ARHGDIB: variants seen among roughly 807,000 people sequenced by gnomAD.
ARHGDIB encodes Rho GDP dissociation inhibitor beta, also known as rho GDP-dissociation inhibitor 2.
In ARHGDIB, 20 loss-of-function variants were observed where a neutral mutation model predicts 22.6. The observed-to-expected ratio is 0.88, with a 90% confidence interval of 0.62 to 1.28. The LOEUF (loss-of-function observed/expected upper bound fraction) is 1.28, where lower values mean the gene tolerates loss of function less well. Ranked by LOEUF, ARHGDIB falls within the 50% of genes most tolerant of loss-of-function variation. ARHGDIB has a pLI of 0.00. For synonymous variants in ARHGDIB, 114 were observed against 96.1 expected, an observed-to-expected ratio of 1.19 and a Z score of -1.09; for missense variants, 254 against 245.4, an observed-to-expected ratio of 1.04 and a Z score of -0.23.
chr12:14,957,207 C>T (rs1188870916), intron 1 of ARHGDIB, among the ~76,000 whole-genome samples: 4 of 152,166 alleles, frequency 2.6e-5, no homozygotes, highest in Admixed American at 6.5e-5. Context: ...TCAGTTTTAT[C>T]ACCACTAAAA....
chr12:14,955,176 G>T (rs1469596505), intron 1 of ARHGDIB, among the ~76,000 whole-genome samples: 1 of 152,174 alleles, frequency 6.6e-6, no homozygotes, highest in Non-Finnish European at 1.5e-5. Flanking sequence ...GTTAGTACGG[G>T]ATAAGTGCTT....
rs531379019 is a variant in ARHGDIB at position 14,949,321 on chromosome 12, T to C, written c.265+481A>G. ...CGCCTTTAGTAGGAGACGTTGTTTATTTAACAAGAATCAGAGTTTCAAGCT... is the reference window on the plus strand; with the variant it reads ...CGCCTTTAGTAGGAGACGTTGTTTACTTAACAAGAATCAGAGTTTCAAGCT... On this transcript the variant is annotated intron_variant, in intron 3 of 5. Coordinates refer to ENST00000228945, the MANE Select transcript of ARHGDIB (RefSeq NM_001175.7). 1.0e-3 allele frequency among the ~76,000 whole-genome samples: 157 copies of C among 152,350 alleles called. 1 individual carries two copies. Among genetic ancestry groups the C allele is most frequent in the South Asian group, 4.4e-3 (21 of 4,826 alleles).
intron 5 of ARHGDIB, among the ~76,000 whole-genome samples, chr12:14,943,503 T>C (rs1385556848): frequency 6.6e-6 from 1 of 152,082 alleles, no homozygotes; most frequent in Admixed American, 6.6e-5. Flanking sequence ...CTAAGTCATA[T>C]AACATTTTTG....
chr12:14,945,845 G>T (rs553897472), intron 4 of ARHGDIB, among the ~76,000 whole-genome samples: 19 of 152,082 alleles, frequency 1.2e-4, no homozygotes, highest in Non-Finnish European at 2.6e-4. Flanking sequence ...ATGAAAAGCT[G>T]TCAGAAAAAA....
At chr12:14,957,588 T>C (rs192762931) in intron 1 of ARHGDIB, among the ~76,000 whole-genome samples, 97 of 152,306 alleles carry the variant, frequency 6.4e-4, no homozygotes, top group African/African-American at 2.1e-3. Flanking sequence ...CAATTTAATT[T>C]TAGGTTTTAT....
chr12:14,946,197 C>G (rs557633212), intron 4 of ARHGDIB, among the ~76,000 whole-genome samples: 1 of 152,106 alleles, frequency 6.6e-6, no homozygotes, highest in Non-Finnish European at 1.5e-5. Context: ...GGGGAAGAAG[C>G]CTTGGTGTTA....
Position 14,947,967 on chromosome 12 carries a change from G to T in ARHGDIB, c.266-18C>A. ...CAGATCTCCTGTAGAAGAAGATTTA[G>T]AGAGAGTTTATCCTCAAAAGCAGAT... On this transcript the variant is annotated intron_variant, in intron 3 of 5. Transcript: ENST00000228945. 3.8e-6 allele frequency: 6 copies of T among 1,595,354 alleles called. No individual in the cohort carries two copies. Among genetic ancestry groups the T allele is most frequent in the Non-Finnish European group, 5.2e-6 (6 of 1,163,052 alleles).
At chr12:14,951,557 T>C (rs1864176797) in intron 1 of ARHGDIB, among the ~76,000 whole-genome samples, 1 of 151,968 alleles carries the variant, frequency 6.6e-6, no homozygotes, top group African/African-American at 2.4e-5. Context: ...TGTCCATCCA[T>C]TTCCCTTTTC....
intron 1 of ARHGDIB, among the ~76,000 whole-genome samples, chr12:14,954,854 TAAC>T (rs1266710260): frequency 1.3e-3 from 205 of 152,272 alleles, no homozygotes; most frequent in African/African-American, 4.8e-3. Flanking sequence ...AAAAAAAGGG[TAAC>T]TACGTGAGAT....
At position 14,950,598 on chromosome 12, in the gene ARHGDIB, C is replaced by T; in HGVS notation, c.115G>A (p.Asp39Asn). Reference protein sequence around the residue: ...QKSLKELQEMDKDDESLIKYK... With the variant: ...QKSLKELQEMNKDDESLIKYK... The stretch of plus-strand genomic sequence containing the variant: ...TTAATTAGACTCTCATCATCTTTGT[C>T]CATTTCCTGCAGCTCTTTCAGGGAC... The change falls in exon 2 of 6, where the codon GAC becomes AAC. Residue 39 changes from aspartate (D) to asparagine (N), a missense_variant. Physicochemically the swap from Asp to Asn is conservative, Grantham distance 23. Transcript: ENST00000228945. 1.9e-6 allele frequency: 3 copies of T among 1,614,036 alleles called. No homozygotes were observed. Among genetic ancestry groups the T allele is most frequent in the Non-Finnish European group, 2.5e-6 (3 of 1,179,932 alleles).
At chr12:14,958,511 G>T (rs1032533269) in intron 1 of ARHGDIB, among the ~76,000 whole-genome samples, 1 of 152,116 alleles carries the variant, frequency 6.6e-6, no homozygotes, top group African/African-American at 2.4e-5. Context: ...ACATTCATAT[G>T]CACAAAGAGA....
Position 14,950,568 on chromosome 12 carries a change from TG to T in ARHGDIB, c.144del (p.Tyr48Ter). On this transcript the variant is annotated frameshift_variant, in exon 2 of 6. Coordinates refer to ENST00000228945, the MANE Select transcript of ARHGDIB (RefSeq NM_001175.7). LOFTEE classifies it high-confidence loss of function. ...MDKDDESLIK[Y>X]KKTLLGDGPV... ...GGACCATCTCCCAGCAGCGTTTTCT[TG>T]TACTTAATTAGACTCTCATCATCTT... 1 of 1,613,922 alleles carries T rather than the reference TG, an allele frequency of 6.2e-7. No individual in the cohort carries two copies. The highest frequency in any genetic ancestry group is 2.2e-5 in the East Asian group (1 of 44,864).
chr12:14,956,399 C>A (rs1399149656), intron 1 of ARHGDIB: 1 of 152,074 alleles, frequency 6.6e-6, no homozygotes, highest in Non-Finnish European at 1.5e-5. Flanking sequence ...GACTCAAATG[C>A]TCCCTAATTT....
Position 14,949,858 on chromosome 12 carries a change from G to A in ARHGDIB, c.209C>T (p.Thr70Ile). ...ACTCTCACAAACCAGGGTGAGCCGGGTGACAACGACATTGGGGGCTTTCGG... is the reference window on the plus strand; with the variant it reads ...ACTCTCACAAACCAGGGTGAGCCGGATGACAACGACATTGGGGGCTTTCGG... ...TDPKAPNVVV[T>I]RLTLVCESAP... The change falls in exon 3 of 6, where the codon ACC (threonine) becomes ATC (isoleucine). Residue 70 changes from threonine to isoleucine, a missense_variant. Physicochemically the swap from Thr to Ile is moderately conservative, Grantham distance 89. Coordinates refer to ENST00000228945, the MANE Select transcript of ARHGDIB (RefSeq NM_001175.7). 6.2e-7 allele frequency: 1 copy of A among 1,613,560 alleles called. No homozygotes were observed. Among genetic ancestry groups the A allele is most frequent in the Non-Finnish European group, 8.5e-7 (1 of 1,179,676 alleles).
At chr12:14,954,013 C>G (rs1864244738) in intron 1 of ARHGDIB, among the ~76,000 whole-genome samples, 1 of 151,062 alleles carries the variant, frequency 6.6e-6, no homozygotes, top group South Asian at 2.1e-4. Context: ...TAGTTTTACT[C>G]TGTCACCCAG....
chr12:14,942,814 T>C, intron 5 of ARHGDIB, 93 bp from the exon 6 acceptor site: 1 of 1,122,150 alleles, frequency 8.9e-7, no homozygotes, highest in South Asian at 1.4e-5. Context: ...CCTACAGTGA[T>C]TAAAGTCAAG....
intron 5 of ARHGDIB, 111 bp from the exon 6 acceptor site, chr12:14,942,832 G>A: frequency 1.1e-6 from 1 of 924,862 alleles, no homozygotes; most frequent in African/African-American, 1.7e-5. Flanking sequence ...AAGAGCAATG[G>A]TTTCCAAGCC....
intron 1 of ARHGDIB, among the ~76,000 whole-genome samples, chr12:14,954,157 A>T (rs1592294066): frequency 6.6e-6 from 1 of 151,918 alleles, no homozygotes; most frequent in South Asian, 2.1e-4. Context: ...TTTTGTAGTT[A>T]TGGTTGAGAT....
chr12:14,946,160 C>T (rs1477685330), intron 4 of ARHGDIB, among the ~76,000 whole-genome samples: 1 of 152,172 alleles, frequency 6.6e-6, no homozygotes, highest in Non-Finnish European at 1.5e-5. Flanking sequence ...GCCCACATCC[C>T]CATCCCTATT....
Sources: allele counts gnomAD v4.1 joint callset (sites outside exome capture counted in the v4.1 genomes callset), GRCh38; gene constraint gnomAD v4.1.1; transcripts MANE v1.5; gene names NCBI Gene and HGNC (gene_info 2026-07-23, HGNC 2026-07-21).